PDZD2: variants seen among roughly 807,000 people sequenced by gnomAD.
PDZD2 encodes the protein PDZ domain-containing protein 2.
PDZD2 carries 90 observed loss-of-function variants against 220.7 expected under a neutral mutation model. That is an observed-to-expected ratio of 0.41 (90% CI 0.34 to 0.49). The LOEUF (loss-of-function observed/expected upper bound fraction) is 0.49. PDZD2 is among the 20% of genes least tolerant of loss of function. The pLI, the probability that PDZD2 is intolerant of heterozygous loss-of-function variation, is 0.28. For synonymous variants in PDZD2, 1,375 were observed against 1,450.5 expected (o/e 0.95, Z 1.18); for missense variants, 3,174 against 3,608.5 (o/e 0.88, Z 3.08).
rs145636747 is a variant in PDZD2 at position 32,027,540 on chromosome 5, G to T, written c.1408-9691G>T. Among the ~76,000 whole-genome samples the T allele has an allele frequency of 8.1e-3, 1,236 of 152,224 alleles. 15 individuals are homozygous for T. Among genetic ancestry groups the T allele is most frequent in the African/African-American group, 0.028 (1,183 of 41,526 alleles). On this transcript the variant is annotated intron_variant, in intron 6 of 24. Coordinates refer to ENST00000438447, the MANE Select transcript of PDZD2 (RefSeq NM_178140.4). ...GAGCGTCGCAGTGGGCATCAGTTGC[G>T]GCTCCCCCCACTCCCAGCTGCATCT...
At chr5:31,772,155 A>G (rs1752375187) in intron 1 of PDZD2, among the ~76,000 whole-genome samples, 1 of 152,194 alleles carries the variant, frequency 6.6e-6, no homozygotes, top group South Asian at 2.1e-4. Flanking sequence ...GTTTGAGTAA[A>G]CAACCTTTTC....
At position 32,057,955 on chromosome 5, in the gene PDZD2, C is replaced by G; in HGVS notation, c.2052C>G (p.Pro684=). ...CCAGCCTCACACCCTGCTCGACACC[C>G]ACACACATGAGCAGATCCGCCTCCC... ...VSPSLTPCST[P]THMSRSASPN... Residue 684 remains proline (P), a synonymous_variant, in exon 12 of 25, where the codon CCC becomes CCG. Coordinates refer to ENST00000438447, the MANE Select transcript of PDZD2 (RefSeq NM_178140.4). 6.2e-7 allele frequency: 1 copy of G among 1,613,832 alleles called. No homozygotes were observed. The highest frequency in any genetic ancestry group is 1.7e-5 in the Admixed American group (1 of 60,016).
chr5:31,942,803 A>G (rs1746320435), intron 2 of PDZD2, among the ~76,000 whole-genome samples: 1 of 152,180 alleles, frequency 6.6e-6, no homozygotes, highest in Admixed American at 6.5e-5. Flanking sequence ...TGAACTCCCC[A>G]AGGTTGATGT....
At position 31,799,441 on chromosome 5, in the gene PDZD2, G is replaced by T; in HGVS notation, c.193G>T (p.Glu65Ter). The change falls in exon 2 of 25, where the codon GAA (glutamate) becomes TAA (stop). Residue 65 changes from glutamate (E) to a stop codon, truncating the protein, a stop_gained. Transcript: ENST00000438447. LOFTEE classifies it high-confidence loss of function. Reference sequence around the variant, plus strand: ...GGTCCCACCTGATCACAGCCCCCCCGAAATGGAGATCTGTACTGTGTACCT... The same window carrying T: ...GGTCCCACCTGATCACAGCCCCCCCTAAATGGAGATCTGTACTGTGTACCT... The part of the protein sequence containing the change: ...STVPPDHSPP[E>*]MEICTVYLTK... 1 of 1,614,188 alleles carries T rather than the reference G, an allele frequency of 6.2e-7. No homozygotes were observed.
chr5:31,649,876 T>G (rs1336265798), intron 1 of PDZD2, among the ~76,000 whole-genome samples: 1 of 126,938 alleles, frequency 7.9e-6, no homozygotes, highest in East Asian at 2.3e-4. Flanking sequence ...AGGCGGAGGT[T>G]GCAGTAAGCC....
chr5:31,653,768 C>T (rs1320982112), intron 1 of PDZD2, among the ~76,000 whole-genome samples: 1 of 150,948 alleles, frequency 6.6e-6, no homozygotes, highest in Non-Finnish European at 1.5e-5. Context: ...GTAGGGAAGA[C>T]AGACATTCAG....
At chr5:31,677,896 G>C (rs1371029178) in intron 1 of PDZD2, among the ~76,000 whole-genome samples, 2 of 152,144 alleles carry the variant, frequency 1.3e-5, no homozygotes, top group South Asian at 2.1e-4. Context: ...GAGGAGGAAG[G>C]GGGGAGGACC....
intron 18 of PDZD2, 139 bp from the exon 19 acceptor site, chr5:32,077,323 C>A: frequency 1.3e-6 from 1 of 770,146 alleles, no homozygotes; most frequent in Non-Finnish European, 2.1e-6. Context: ...CTTAAACCCA[C>A]AATCTGGATC....
intron 1 of PDZD2, among the ~76,000 whole-genome samples, chr5:31,670,409 GTTTAT>G (rs201029053): frequency 1.3e-5 from 2 of 151,794 alleles, no homozygotes; most frequent in African/African-American, 4.8e-5. Context: ...CTTAGTTTGC[GTTTAT>G]TTTATTTTAT....
At chr5:32,005,534 AAAAC>A (rs1025860755) in intron 5 of PDZD2, among the ~76,000 whole-genome samples, 3 of 152,032 alleles carry the variant, frequency 2.0e-5, no homozygotes, top group African/African-American at 7.3e-5. Context: ...CCAAAAAAAA[AAAAC>A]AGAGAAGAAG....
At chr5:31,990,239 G>A (rs1279500215) in intron 3 of PDZD2, among the ~76,000 whole-genome samples, 1 of 152,184 alleles carries the variant, frequency 6.6e-6, no homozygotes, top group Non-Finnish European at 1.5e-5. Context: ...TCATTTAAAT[G>A]CTGTGAGACA....
At chr5:31,711,192 C>T (rs1748086605) in intron 1 of PDZD2, among the ~76,000 whole-genome samples, 1 of 152,082 alleles carries the variant, frequency 6.6e-6, no homozygotes, top group Non-Finnish European at 1.5e-5. Flanking sequence ...CTGGACTGCC[C>T]TTTTTCCTAA....
At chr5:31,854,274 G>A (rs1222920008) in intron 2 of PDZD2, among the ~76,000 whole-genome samples, 1 of 152,262 alleles carries the variant, frequency 6.6e-6, no homozygotes, top group Non-Finnish European at 1.5e-5. Context: ...CTGGAGCGAT[G>A]GCTGCAGGGC....
chr5:32,089,554 G>C lies in PDZD2; in HGVS notation c.6106G>C (p.Val2036Leu). The C allele has an allele frequency of 1.2e-6, 2 of 1,612,248 alleles. No individual in the cohort carries two copies. Among genetic ancestry groups the C allele is most frequent in the Non-Finnish European group, 8.5e-7 (1 of 1,180,020 alleles). Residue 2036 changes from valine (V) to leucine (L), a missense_variant, in exon 20 of 25, where the codon GTG becomes CTG. Val to Leu is a conservative substitution (Grantham distance 32). Around this residue, in one of 4 missense-constraint regions of PDZD2, gnomAD observed 1,861 missense variants for 2,001.0 expected, o/e 0.93. Transcript: ENST00000438447. The part of the protein sequence containing the change: ...GRAPRADSGP[V>L]SPAASRNGMS... ...GGCGCCCCGTGCTGACTCCGGGCCGGTGAGTCCGGCAGCGTCTAGGAACGG... is the reference window on the plus strand; with the variant it reads ...GGCGCCCCGTGCTGACTCCGGGCCGCTGAGTCCGGCAGCGTCTAGGAACGG...
chr5:32,002,757 CCCACACA>C (rs1324265137), intron 5 of PDZD2, among the ~76,000 whole-genome samples: 1 of 26,154 alleles, frequency 3.8e-5, no homozygotes, highest in African/African-American at 1.1e-4. Flanking sequence ...ACACACACAC[CCCACACA>C]CCACACACAC....
chr5:31,750,329 T>C (rs776254057), intron 1 of PDZD2, among the ~76,000 whole-genome samples: 2 of 152,188 alleles, frequency 1.3e-5, no homozygotes, highest in Non-Finnish European at 2.9e-5. Flanking sequence ...CATCCTCCTT[T>C]CTGAGTTCTG....
chr5:31,996,641 G>A (rs1451994739), intron 4 of PDZD2, among the ~76,000 whole-genome samples: 1 of 152,034 alleles, frequency 6.6e-6, no homozygotes, highest in Non-Finnish European at 1.5e-5. Flanking sequence ...CTAGGTTGTG[G>A]AGATTGCAGT....
At chr5:31,995,514 T>C in intron 3 of PDZD2, 62 bp from the exon 4 acceptor site, 1 of 1,588,784 alleles carries the variant, frequency 6.3e-7, no homozygotes, top group Non-Finnish European at 8.6e-7. Context: ...AGCTCCGTTC[T>C]CCTGTGTCAA....
chr5:32,048,406 T>G, intron 7 of PDZD2, 133 bp from the exon 8 acceptor site: 1 of 689,826 alleles, frequency 1.4e-6, no homozygotes, highest in Non-Finnish European at 2.5e-6. Context: ...GGCTCTGTGC[T>G]TTGAGTGTAT....
Sources: allele counts gnomAD v4.1 joint callset (sites outside exome capture counted in the v4.1 genomes callset), GRCh38; gene constraint gnomAD v4.1.1; regional missense constraint gnomAD v4.1.1; transcripts MANE v1.5; gene names NCBI Gene and HGNC (gene_info 2026-07-23, HGNC 2026-07-21).